Variants in PCDH15 observed in about 807,000 individuals in gnomAD.
PCDH15 encodes protocadherin related 15, also known as protocadherin-15.
A neutral mutation model predicts 178.5 loss-of-function variants in PCDH15; 129 were observed. The observed-to-expected ratio is 0.72, with a 90% confidence interval of 0.63 to 0.84. The LOEUF is 0.84. Ranked by LOEUF, PCDH15 falls within the 40% of genes least tolerant of loss-of-function variation. The probability of loss-of-function intolerance (pLI) is 0.00; values close to 1 mark genes in which losing one functional copy is unlikely to be tolerated. For synonymous variants in PCDH15, 800 were observed against 732.0 expected (o/e 1.09, Z -1.50); for missense variants, 2,230 against 2,099.9 (o/e 1.06, Z -1.21).
intron 2 of PCDH15, among the ~76,000 whole-genome samples, chr10:54,942,170 T>G (rs963374018): frequency 2.0e-5 from 3 of 152,054 alleles, no homozygotes; most frequent in Non-Finnish European, 4.4e-5. Context: ...TCTAAATAAA[T>G]TCTGCTTCCT....
At chr10:54,012,476 A>T (rs987996502) in intron 20 of PCDH15, among the ~76,000 whole-genome samples, 2 of 152,068 alleles carry the variant, frequency 1.3e-5, no homozygotes, top group Non-Finnish European at 2.9e-5. Flanking sequence ...CAATCCCCAA[A>T]ACACATAATT....
chr10:53,890,341 C>T (rs528574797), intron 26 of PCDH15, among the ~76,000 whole-genome samples: 5 of 152,206 alleles, frequency 3.3e-5, no homozygotes, highest in Admixed American at 6.5e-5. Flanking sequence ...GCAGGAGAAT[C>T]GCTTGAACCT....
chr10:55,167,665 G>C (rs1839231484), intron 1 of PCDH15, among the ~76,000 whole-genome samples: 1 of 152,078 alleles, frequency 6.6e-6, no homozygotes, highest in South Asian at 2.1e-4. Flanking sequence ...TCATGCACAT[G>C]TCAAGAAATA....
chr10:54,798,275 T>C (rs565143034), intron 1 of PCDH15, among the ~76,000 whole-genome samples: 2 of 152,020 alleles, frequency 1.3e-5, no homozygotes, highest in Admixed American at 6.6e-5. Flanking sequence ...TCAGTCATAT[T>C]TGAGTCTGAA....
intron 1 of PCDH15, among the ~76,000 whole-genome samples, chr10:55,223,022 C>T (rs1840929815): frequency 6.6e-6 from 1 of 151,910 alleles, no homozygotes; most frequent in Admixed American, 6.6e-5. Flanking sequence ...AGCATAGTCC[C>T]CACAGTGCTT....
chr10:54,128,367 C>T (rs2132990273), intron 15 of PCDH15, among the ~76,000 whole-genome samples: 1 of 152,298 alleles, frequency 6.6e-6, no homozygotes, highest in South Asian at 2.1e-4. Context: ...ATCTCACCTA[C>T]AATACTGGGC....
At chr10:54,308,285 G>GA (rs1371052523) in intron 8 of PCDH15, among the ~76,000 whole-genome samples, 45 of 151,846 alleles carry the variant, frequency 3.0e-4, no homozygotes, top group Admixed American at 1.1e-3. Context: ...GTGTTTCATA[G>GA]AAAAAAATAG....
intron 21 of PCDH15, among the ~76,000 whole-genome samples, chr10:53,981,478 T>A (rs2090632705): frequency 1.3e-5 from 2 of 152,154 alleles, no homozygotes; most frequent in Admixed American, 6.5e-5. Flanking sequence ...GAGATATAGA[T>A]CAATGGAACA....
Position 53,931,726 on chromosome 10 carries a change from T to C in PCDH15, c.3373+7089A>G, listed in dbSNP as rs1206374152. ...TTATAATTTTTAAAAAAATTGTTAA[T>C]AGTACTATGGTAAAGGTAACTTTAA... On this transcript the variant is annotated intron_variant, in intron 25 of 37. Transcript: ENST00000644397. Among the ~76,000 whole-genome samples, 13 of 152,184 alleles carry C rather than the reference T, an allele frequency of 8.5e-5. 1 individual carries two copies. Among genetic ancestry groups the C allele is most frequent in the Admixed American group, 8.5e-4 (13 of 15,276 alleles).
chr10:54,360,937 T>C (rs1418861512), intron 5 of PCDH15, among the ~76,000 whole-genome samples: 5 of 152,268 alleles, frequency 3.3e-5, no homozygotes, highest in Middle Eastern at 3.4e-3. Flanking sequence ...TGCTGTTATA[T>C]GGGATTTAGC....
chr10:54,717,230 C>T (rs1345390092), intron 1 of PCDH15, among the ~76,000 whole-genome samples: 2 of 124,270 alleles, frequency 1.6e-5, no homozygotes, highest in Non-Finnish European at 3.4e-5. Context: ...ACACCAAAAG[C>T]AATGGCAACA....
At chr10:55,521,767 A>G (rs879920093) in intron 2 of PCDH15, among the ~76,000 whole-genome samples, 2 of 151,926 alleles carry the variant, frequency 1.3e-5, no homozygotes, top group Admixed American at 1.3e-4. Flanking sequence ...GTAAGCTGAA[A>G]ATATTGTAAG....
chr10:55,052,218 G>A (rs897967778), intron 2 of PCDH15, among the ~76,000 whole-genome samples: 2 of 151,624 alleles, frequency 1.3e-5, no homozygotes, highest in Non-Finnish European at 2.9e-5. Flanking sequence ...CTCCCGAGTA[G>A]CTGGGACTAC....
At chr10:54,942,375 G>A (rs1055880049) in intron 2 of PCDH15, among the ~76,000 whole-genome samples, 1 of 151,918 alleles carries the variant, frequency 6.6e-6, no homozygotes, top group African/African-American at 2.4e-5. Context: ...ATGTCCTTTG[G>A]AAAATATCCA....
chr10:55,130,678 CACGTGTGT>C (rs1347945681), intron 2 of PCDH15, among the ~76,000 whole-genome samples: 3 of 100,598 alleles, frequency 3.0e-5, no homozygotes, highest in East Asian at 2.8e-4. Context: ...AACACACATA[CACGTGTGT>C]GTGTGTGTGT....
At chr10:55,169,124 C>G (rs183274537) in intron 1 of PCDH15, among the ~76,000 whole-genome samples, 1 of 152,046 alleles carries the variant, frequency 6.6e-6, no homozygotes, top group Admixed American at 6.5e-5. Flanking sequence ...CATTTTTAAC[C>G]GCTCTTAACT....
At chr10:54,825,039 A>G (rs1225896859) in intron 3 of PCDH15, among the ~76,000 whole-genome samples, 1 of 151,680 alleles carries the variant, frequency 6.6e-6, no homozygotes, top group Non-Finnish European at 1.5e-5. Flanking sequence ...CCACCCCACA[A>G]CAGTCTCCTG....
At chr10:55,617,594 C>A (rs1164927025) in intron 2 of PCDH15, among the ~76,000 whole-genome samples, 1 of 151,998 alleles carries the variant, frequency 6.6e-6, no homozygotes, top group Non-Finnish European at 1.5e-5. Flanking sequence ...CATTTACATT[C>A]TCTTTCTAAC....
intron 1 of PCDH15, among the ~76,000 whole-genome samples, chr10:54,731,561 TATAC>T (rs1943373693): frequency 1.9e-4 from 9 of 48,358 alleles, no homozygotes; most frequent in African/African-American, 5.1e-4. Context: ...TATATATATA[TATAC>T]ACACACACAC....
Sources: allele counts gnomAD v4.1 joint callset (sites outside exome capture counted in the v4.1 genomes callset), GRCh38; gene constraint gnomAD v4.1.1; transcripts MANE v1.5; gene names NCBI Gene and HGNC (gene_info 2026-07-23, HGNC 2026-07-21).